KCNH7: variants seen among roughly 807,000 people sequenced by gnomAD.
KCNH7 encodes the protein potassium voltage-gated channel subfamily H member 7, also known as voltage-gated inwardly rectifying potassium channel KCNH7.
KCNH7 carries 49 observed loss-of-function variants against 120.8 expected under a neutral mutation model. That is an observed-to-expected ratio of 0.41 (90% confidence interval 0.32 to 0.51). The LOEUF is 0.51. Among genes scored for constraint, KCNH7 ranks in the 20% least tolerant of loss-of-function variants. The pLI is 0.38. For missense variants in KCNH7, 1,097 were observed against 1,446.6 expected (o/e 0.76, Z 3.92); for synonymous variants, 547 against 516.1 (o/e 1.06, Z -0.81).
chr2:162,719,330 A>G (rs1203370068), intron 2 of KCNH7, among the ~76,000 whole-genome samples: 1 of 152,058 alleles, frequency 6.6e-6, no homozygotes, highest in African/African-American at 2.4e-5. Flanking sequence ...ATTTATTTTC[A>G]TTACAGGTAT....
At chr2:162,770,056 A>G (rs2105469863) in intron 2 of KCNH7, among the ~76,000 whole-genome samples, 1 of 152,214 alleles carries the variant, frequency 6.6e-6, no homozygotes, top group South Asian at 2.1e-4. Context: ...TAGTAACATT[A>G]ATGAAACAAT....
chr2:162,738,979 A>C (rs998850490), intron 2 of KCNH7, among the ~76,000 whole-genome samples: 1 of 151,990 alleles, frequency 6.6e-6, no homozygotes, highest in African/African-American at 2.4e-5. Context: ...CTGGATCCCC[A>C]CTCTGACACA....
At chr2:162,725,439 A>G (rs1687479208) in intron 2 of KCNH7, among the ~76,000 whole-genome samples, 2 of 152,260 alleles carry the variant, frequency 1.3e-5, no homozygotes, top group East Asian at 3.9e-4. Context: ...CTTTAATCAT[A>G]GGGTAACTGC....
chr2:162,655,652 G>C (rs545879561), intron 2 of KCNH7, among the ~76,000 whole-genome samples: 25 of 152,144 alleles, frequency 1.6e-4, no homozygotes, highest in African/African-American at 5.5e-4. Context: ...AATTAGCTGG[G>C]CGTGGTGGCG....
At chr2:162,436,982 T>G (rs996202076) in intron 7 of KCNH7, among the ~76,000 whole-genome samples, 12 of 151,524 alleles carry the variant, frequency 7.9e-5, no homozygotes, top group African/African-American at 2.9e-4. Flanking sequence ...ATTAGCTGGG[T>G]ATGGTGGTGG....
At chr2:162,539,821 C>G (rs571516738) in intron 2 of KCNH7, among the ~76,000 whole-genome samples, 1 of 152,148 alleles carries the variant, frequency 6.6e-6, no homozygotes, top group Non-Finnish European at 1.5e-5. Flanking sequence ...ATATCTCCAT[C>G]AATCTTGCAT....
At chr2:162,807,438 A>G (rs1256512682) in intron 2 of KCNH7, among the ~76,000 whole-genome samples, 1 of 151,954 alleles carries the variant, frequency 6.6e-6, no homozygotes, top group South Asian at 2.1e-4. Flanking sequence ...CTCTGTCTCA[A>G]AAAACAAGAA....
At chr2:162,797,239 A>C (rs375649910) in intron 2 of KCNH7, 4 of 152,184 alleles carry the variant, frequency 2.6e-5, no homozygotes, top group South Asian at 4.1e-4. Flanking sequence ...TCAAGCCAAC[A>C]ATGTTTGAGC....
At chr2:162,684,400 G>C (rs1174467055) in intron 2 of KCNH7, among the ~76,000 whole-genome samples, 6 of 152,108 alleles carry the variant, frequency 3.9e-5, no homozygotes, top group Admixed American at 3.9e-4. Context: ...ACTATCATCA[G>C]AGTGAACAGG....
intron 8 of KCNH7, among the ~76,000 whole-genome samples, chr2:162,426,214 T>TAA (rs751111957): frequency 1.0e-4 from 12 of 118,938 alleles, no homozygotes; most frequent in Non-Finnish European, 9.0e-5. Flanking sequence ...ACCCTATCTT[T>TAA]AAAAAAAAAA....
intron 2 of KCNH7, among the ~76,000 whole-genome samples, chr2:162,670,306 T>A (rs1458024080): frequency 6.6e-6 from 1 of 151,098 alleles, no homozygotes; most frequent in African/African-American, 2.4e-5. Context: ...AAACCCCACC[T>A]CTACTAAAAA....
intron 2 of KCNH7, among the ~76,000 whole-genome samples, chr2:162,562,628 C>T (rs946965716): frequency 6.6e-6 from 1 of 152,200 alleles, no homozygotes; most frequent in Admixed American, 6.5e-5. Flanking sequence ...CTGGGTCCTG[C>T]TCACTTGGAC....
chr2:162,550,422 G>A (rs141662197), intron 2 of KCNH7, among the ~76,000 whole-genome samples: 106 of 152,268 alleles, frequency 7.0e-4, no homozygotes, highest in African/African-American at 2.4e-3. Flanking sequence ...AAACTGGAGA[G>A]GAAGGAGAGC....
intron 2 of KCNH7, among the ~76,000 whole-genome samples, chr2:162,570,648 T>C (rs1034025047): frequency 4.6e-5 from 7 of 152,128 alleles, no homozygotes; most frequent in African/African-American, 1.7e-4. Context: ...CATTTTGGCA[T>C]GATTTTGCAG....
intron 3 of KCNH7, among the ~76,000 whole-genome samples, chr2:162,529,369 A>C (rs184638113): frequency 6.6e-6 from 1 of 151,950 alleles, no homozygotes; most frequent in Non-Finnish European, 1.5e-5. Flanking sequence ...ATGCGGTGAC[A>C]TGGAATGTAA....
At position 162,837,178 on chromosome 2, in the gene KCNH7, A is replaced by G. The variant is rs192425352; in HGVS notation, c.77-411T>C. 1.4e-3 allele frequency among the ~76,000 whole-genome samples: 214 copies of G among 152,300 alleles called. 1 individual carries two copies. The highest frequency in any genetic ancestry group is 4.9e-3 in the Admixed American group (75 of 15,298). On this transcript the variant is annotated intron_variant, in intron 1 of 15. Coordinates refer to ENST00000332142, the MANE Select transcript of KCNH7 (RefSeq NM_033272.4). Reference sequence around the variant, plus strand: ...CTGTAGTTGTCAGATTTCTCATTTCAACCTTGGCCCTTTGAATACAACTTT... The same window carrying G: ...CTGTAGTTGTCAGATTTCTCATTTCGACCTTGGCCCTTTGAATACAACTTT...
chr2:162,719,070 C>T (rs34630641), intron 2 of KCNH7, among the ~76,000 whole-genome samples: 3,916 of 151,986 alleles, frequency 0.026, 74 homozygotes, highest in East Asian at 0.12. Flanking sequence ...CCATTGGGTA[C>T]GTATGTATAT....
intron 2 of KCNH7, among the ~76,000 whole-genome samples, chr2:162,743,532 T>A (rs1271562831): frequency 1.3e-5 from 2 of 152,134 alleles, no homozygotes; most frequent in Admixed American, 1.3e-4. Flanking sequence ...AAAACTTGGT[T>A]AAGAACTGGA....
chr2:162,425,238 C>T (rs1323302936), intron 8 of KCNH7, among the ~76,000 whole-genome samples: 2 of 151,848 alleles, frequency 1.3e-5, no homozygotes, highest in African/African-American at 4.8e-5. Flanking sequence ...ACTGTGCGAG[C>T]CAATTTCTTC....
Sources: allele counts gnomAD v4.1 joint callset (sites outside exome capture counted in the v4.1 genomes callset), GRCh38; gene constraint gnomAD v4.1.1; transcripts MANE v1.5; gene names NCBI Gene and HGNC (gene_info 2026-07-23, HGNC 2026-07-21).